Variants in NDRG2 observed in about 807,000 individuals in gnomAD.
NDRG2 encodes protein NDRG2.
Under a neutral mutation model 58.2 loss-of-function variants are expected in NDRG2, and 34 were observed. That is an observed-to-expected ratio of 0.58 (90% confidence interval 0.44 to 0.78). The LOEUF (loss-of-function observed/expected upper bound fraction) is 0.78. NDRG2 is among the 30% of genes least tolerant of loss of function. The pLI is 0.00. For synonymous variants in NDRG2, 187 were observed against 175.9 expected (o/e 1.06, Z -0.50); for missense variants, 434 against 471.2 (o/e 0.92, Z 0.73).
At chr14:21,028,015 A>T (rs1369788748), upstream of NDRG2, among the ~76,000 whole-genome samples, 1 of 152,192 alleles carries the variant, frequency 6.6e-6, no homozygotes, top group Non-Finnish European at 1.5e-5. Flanking sequence ...TATCGTCCTC[A>T]CTGTACAGAT....
chr14:21,067,034 T>C (rs1036464188), intron 1 of NDRG2, among the ~76,000 whole-genome samples: 2 of 152,206 alleles, frequency 1.3e-5, no homozygotes, highest in Non-Finnish European at 2.9e-5. Flanking sequence ...GGCATGGGGC[T>C]GAGGCACAGC....
intron 1 of NDRG2, among the ~76,000 whole-genome samples, chr14:21,056,201 C>T (rs1885667481): frequency 6.6e-6 from 1 of 152,198 alleles, no homozygotes; most frequent in East Asian, 1.9e-4. Context: ...GTCCAACACA[C>T]TATCGCCGAC....
chr14:21,032,803 C>T (rs992052096), intron 1 of NDRG2: 1 of 376,984 alleles, frequency 2.7e-6, no homozygotes, highest in African/African-American at 2.1e-5. Context: ...GCAATTAAAT[C>T]ACAACAGAGT....
intron 1 of NDRG2, chr14:21,031,105 A>C (rs1884078850): frequency 1.2e-6 from 2 of 1,614,074 alleles, no homozygotes; most frequent in Non-Finnish European, 1.7e-6. Flanking sequence ...GTCCAGATGA[A>C]GTCCTGGAGA....
intron 6 of NDRG2, 32 bp downstream of exon 6, chr14:21,021,785 C>A: frequency 6.2e-7 from 1 of 1,603,240 alleles, no homozygotes; most frequent in African/African-American, 1.3e-5. Context: ...GGAAAGAGAA[C>A]TCTGGTTTGG....
chr14:21,038,915 G>A (rs1402259624), intron 1 of NDRG2, among the ~76,000 whole-genome samples: 1 of 152,216 alleles, frequency 6.6e-6, no homozygotes, highest in East Asian at 1.9e-4. Flanking sequence ...TCAAGGACCT[G>A]AAGAAAGTCC....
At chr14:21,019,214 G>A (rs1429503540) in intron 10 of NDRG2, 54 bp from the exon 11 acceptor site, 1 of 1,449,838 alleles carries the variant, frequency 6.9e-7, no homozygotes, top group Non-Finnish European at 9.5e-7. Flanking sequence ...TATCTAACCA[G>A]ATATAAGCTA....
upstream of NDRG2, chr14:21,030,425 G>T: frequency 2.7e-6 from 2 of 729,120 alleles, no homozygotes; most frequent in Non-Finnish European, 4.5e-6. Context: ...GGAGCTGGGA[G>T]GGAGAAAGGA....
intron 1 of NDRG2, 145 bp from the exon 2 acceptor site, chr14:21,023,466 C>A: frequency 1.5e-6 from 1 of 662,432 alleles, no homozygotes; most frequent in Middle Eastern, 4.2e-4. Flanking sequence ...CACAGAGGGC[C>A]TTTCCTGCCC....
chr14:21,029,841 T>G (rs1235743729), upstream of NDRG2, among the ~76,000 whole-genome samples: 1 of 152,186 alleles, frequency 6.6e-6, no homozygotes, highest in Non-Finnish European at 1.5e-5. Flanking sequence ...TGCCAGCACC[T>G]TGATCTTAGA....
At chr14:21,022,021 T>C (rs1258626934) in intron 5 of NDRG2, 41 bp downstream of exon 5, 2 of 1,613,966 alleles carry the variant, frequency 1.2e-6, no homozygotes, top group Admixed American at 1.7e-5. Context: ...ACCTGTCCTG[T>C]TCCTCACAGT....
chr14:21,018,918 G>A (rs1245021270), intron 11 of NDRG2, 104 bp from the exon 12 acceptor site: 2 of 1,470,162 alleles, frequency 1.4e-6, no homozygotes, highest in South Asian at 1.2e-5. Flanking sequence ...AAAGAGGAAA[G>A]ACACTTCTGT....
At chr14:21,051,459 T>C (rs1340728368) in intron 1 of NDRG2, among the ~76,000 whole-genome samples, 4 of 152,164 alleles carry the variant, frequency 2.6e-5, no homozygotes, top group Non-Finnish European at 5.9e-5. Context: ...AGCCGGCCTA[T>C]GAGGGGAACT....
chr14:21,033,167 C>T (rs528098801), intron 1 of NDRG2: 50 of 371,426 alleles, frequency 1.3e-4, no homozygotes, highest in Non-Finnish European at 2.4e-4. Flanking sequence ...AGGGTGACTA[C>T]GGTTGTTGGG....
At chr14:21,036,210 T>C (rs1884616781) in intron 1 of NDRG2, 2 of 456,260 alleles carry the variant, frequency 4.4e-6, no homozygotes, top group Middle Eastern at 3.2e-4. Context: ...TCGTCTCGCC[T>C]GGACAGCACA....
intron 1 of NDRG2, chr14:21,036,394 C>T (rs1019618038): frequency 6.9e-5 from 27 of 391,958 alleles, no homozygotes; most frequent in African/African-American, 2.7e-4. Flanking sequence ...TGTCTTGGGC[C>T]GCACATAAAA....
intron 1 of NDRG2, chr14:21,034,600 G>A: frequency 3.3e-6 from 1 of 306,902 alleles, no homozygotes; most frequent in Non-Finnish European, 6.0e-6. Context: ...GAGTCCTTGG[G>A]CCCCTGGCAC....
intron 1 of NDRG2, among the ~76,000 whole-genome samples, chr14:21,040,095 G>C (rs1884820274): frequency 1.3e-5 from 2 of 152,108 alleles, no homozygotes; most frequent in Admixed American, 6.5e-5. Context: ...TAACATTCAT[G>C]TTTCTACGGC....
chr14:21,018,863 C>CA (rs1566454996), intron 11 of NDRG2, 49 bp from the exon 12 acceptor site: 1 of 1,609,574 alleles, frequency 6.2e-7, no homozygotes, highest in African/African-American at 1.3e-5. Flanking sequence ...GGCACTCCCT[C>CA]ACTGGCCTCT....
Sources: allele counts gnomAD v4.1 joint callset (sites outside exome capture counted in the v4.1 genomes callset), GRCh38; gene constraint gnomAD v4.1.1; transcripts MANE v1.5; gene names NCBI Gene and HGNC (gene_info 2026-07-23, HGNC 2026-07-21).